The following SEMA6D variants were observed in gnomAD, a reference collection of about 807,000 sequenced individuals.
SEMA6D encodes semaphorin-6D.
SEMA6D carries 35 observed loss-of-function variants against 106.6 expected under a neutral mutation model. The observed-to-expected ratio is 0.33, with a 90% CI of 0.25 to 0.44. The LOEUF is 0.44. Among genes scored for constraint, SEMA6D ranks in the 20% least tolerant of loss-of-function variants. The probability of loss-of-function intolerance (pLI) is 1.00; values close to 1 mark genes in which losing one functional copy is unlikely to be tolerated. For synonymous variants in SEMA6D, 499 were observed against 487.7 expected, an observed-to-expected ratio of 1.02 and a Z score of -0.31; for missense variants, 1,185 against 1,345.9, an observed-to-expected ratio of 0.88 and a Z score of 1.87.
At chr15:47,457,432 A>G (rs1056995960) in intron 2 of SEMA6D, among the ~76,000 whole-genome samples, 5 of 152,012 alleles carry the variant, frequency 3.3e-5, no homozygotes, top group Non-Finnish European at 7.4e-5. Flanking sequence ...ATTAAGCAGT[A>G]TTATAAGTAT....
intron 3 of SEMA6D, among the ~76,000 whole-genome samples, chr15:47,540,758 C>T (rs2045330559): frequency 6.6e-6 from 1 of 151,926 alleles, no homozygotes; most frequent in Admixed American, 6.6e-5. Context: ...GTAGAGCTGC[C>T]CTAGGGAAGT....
At chr15:47,349,678 G>T (rs73401096) in intron 1 of SEMA6D, among the ~76,000 whole-genome samples, 1,545 of 152,210 alleles carry the variant, frequency 0.01, 24 homozygotes, top group African/African-American at 0.036. Context: ...AAAGAAAGTG[G>T]AATTGAGATC....
intron 1 of SEMA6D, among the ~76,000 whole-genome samples, chr15:47,244,424 TCA>T (rs2033090883): frequency 1.3e-5 from 2 of 152,316 alleles, no homozygotes; most frequent in South Asian, 4.1e-4. Flanking sequence ...TCTAATATCC[TCA>T]GCCCATTTCT....
At chr15:47,186,198 C>T (rs1370438004) in intron 1 of SEMA6D, among the ~76,000 whole-genome samples, 1 of 152,146 alleles carries the variant, frequency 6.6e-6, no homozygotes, top group Non-Finnish European at 1.5e-5. Flanking sequence ...CCCTGATGGA[C>T]CTGCTAAGTG....
At chr15:47,338,519 T>A (rs1457935573) in intron 1 of SEMA6D, among the ~76,000 whole-genome samples, 1 of 152,048 alleles carries the variant, frequency 6.6e-6, no homozygotes, top group African/African-American at 2.4e-5. Flanking sequence ...CCCACAAAAA[T>A]TTTAAAAATT....
intron 1 of SEMA6D, among the ~76,000 whole-genome samples, chr15:47,327,973 A>G (rs1003233390): frequency 6.6e-6 from 1 of 152,194 alleles, no homozygotes; most frequent in Admixed American, 6.5e-5. Flanking sequence ...CATTTTATAA[A>G]TACGGAAAAT....
chr15:47,355,558 C>T (rs591143), intron 1 of SEMA6D, among the ~76,000 whole-genome samples: 70,563 of 152,032 alleles, frequency 0.46, 19,441 homozygotes, highest in South Asian at 0.61. Context: ...GTTTTACCAT[C>T]GTAGTCTTTC....
Position 47,761,381 on chromosome 15 carries a change from G to C in SEMA6D, c.397G>C (p.Val133Leu), listed in dbSNP as rs944491428. ...KVFVPRNDEM[V>L]FVCGTNAFNP... is the part of the protein sequence containing the mutation. ...ATTTGTTCCAAGAAACGATGAGATG[G>C]TTTTTGTTTGTGGTACCAATGCATT... The change falls in exon 6 of 19, where the codon GTT (valine) becomes CTT (leucine). Residue 133 changes from valine (V) to leucine (L), a missense_variant. By Grantham distance (32) the Val-to-Leu change is conservative. Coordinates refer to ENST00000536845, the MANE Select transcript of SEMA6D (RefSeq NM_001358351.3). The C allele has an allele frequency of 3.1e-6, 5 of 1,613,258 alleles. No individual in the cohort carries two copies. The African/African-American group carries it at 6.7e-5, about 22-fold the overall frequency.
intron 1 of SEMA6D, among the ~76,000 whole-genome samples, chr15:47,281,824 T>C (rs925653615): frequency 2.0e-4 from 31 of 152,168 alleles, no homozygotes; most frequent in African/African-American, 7.2e-4. Flanking sequence ...TTTTGAGATA[T>C]GCCCATTCTT....
At chr15:47,463,185 T>C (rs897105737) in intron 2 of SEMA6D, among the ~76,000 whole-genome samples, 1 of 152,158 alleles carries the variant, frequency 6.6e-6, no homozygotes, top group African/African-American at 2.4e-5. Context: ...ATATTTTCAA[T>C]TGCAAGCTGG....
At chr15:47,270,560 T>C (rs956079186) in intron 1 of SEMA6D, among the ~76,000 whole-genome samples, 1 of 152,100 alleles carries the variant, frequency 6.6e-6, no homozygotes, top group South Asian at 2.1e-4. Flanking sequence ...GGAAAAAAAT[T>C]TAATATTTTG....
intron 1 of SEMA6D, among the ~76,000 whole-genome samples, chr15:47,728,246 G>A (rs2070564962): frequency 6.6e-6 from 1 of 152,154 alleles, no homozygotes; most frequent in African/African-American, 2.4e-5. Context: ...TACTCACCCT[G>A]CACGATTAGA....
intron 1 of SEMA6D, among the ~76,000 whole-genome samples, chr15:47,190,603 G>A (rs1893894601): frequency 6.6e-6 from 1 of 152,146 alleles, no homozygotes; most frequent in Non-Finnish European, 1.5e-5. Context: ...AAAAAATGAA[G>A]AAGTAAGTCC....
chr15:47,666,005 C>T (rs774548284), intron 4 of SEMA6D, among the ~76,000 whole-genome samples: 16 of 152,114 alleles, frequency 1.1e-4, no homozygotes, highest in Non-Finnish European at 2.1e-4. Flanking sequence ...ACATGTGTCC[C>T]AATTCTTCGA....
intron 3 of SEMA6D, among the ~76,000 whole-genome samples, chr15:47,584,075 C>T (rs1286071657): frequency 6.6e-6 from 1 of 152,172 alleles, no homozygotes; most frequent in Non-Finnish European, 1.5e-5. Context: ...TTCTTGAGGG[C>T]AGGGCAAGAT....
intron 3 of SEMA6D, among the ~76,000 whole-genome samples, chr15:47,600,693 AC>A (rs1037301337): frequency 9.9e-5 from 15 of 152,176 alleles, no homozygotes; most frequent in African/African-American, 3.6e-4. Flanking sequence ...TTAGAATCCA[AC>A]TTAGCTTAAG....
At chr15:47,636,107 A>G (rs541830277) in intron 4 of SEMA6D, among the ~76,000 whole-genome samples, 2 of 152,200 alleles carry the variant, frequency 1.3e-5, no homozygotes, top group Non-Finnish European at 2.9e-5. Flanking sequence ...AGCAGGATTG[A>G]CTAAACCAGT....
intron 4 of SEMA6D, among the ~76,000 whole-genome samples, chr15:47,684,278 TAAC>T (rs1456013310): frequency 6.6e-5 from 10 of 152,038 alleles, no homozygotes; most frequent in South Asian, 2.1e-4. Flanking sequence ...ATAAAAAAAT[TAAC>T]AACAATAATA....
intron 2 of SEMA6D, among the ~76,000 whole-genome samples, chr15:47,438,052 T>A (rs1454466098): frequency 6.6e-6 from 1 of 152,142 alleles, no homozygotes; most frequent in East Asian, 1.9e-4. Flanking sequence ...ACTTCACATG[T>A]TCTAAAGTGA....
Sources: gnomAD v4.1 joint callset for allele counts (sites outside exome capture counted in the v4.1 genomes callset) on GRCh38, gnomAD v4.1.1 for gene constraint, MANE v1.5 for transcripts, NCBI Gene and HGNC (gene_info 2026-07-23, HGNC 2026-07-21) for gene names.